Variants in CDK5RAP2 observed in about 807,000 individuals in gnomAD.
CDK5RAP2 encodes the protein CDK5 regulatory subunit-associated protein 2.
Under a neutral mutation model 232.9 loss-of-function variants are expected in CDK5RAP2, and 147 were observed. That is an observed-to-expected ratio of 0.63 (90% confidence interval 0.55 to 0.72). The LOEUF is 0.72. Among genes scored for constraint, CDK5RAP2 ranks in the 30% least tolerant of loss-of-function variants. The pLI, the probability that CDK5RAP2 is intolerant of heterozygous loss-of-function variation, is 0.00. For missense variants in CDK5RAP2, 2,195 were observed against 2,231.5 expected (o/e 0.98, Z 0.33); for synonymous variants, 833 against 833.7 (o/e 1.00, Z 0.01).
chr9:120,481,804 T>C (rs575547729), intron 14 of CDK5RAP2, among the ~76,000 whole-genome samples: 1 of 152,278 alleles, frequency 6.6e-6, no homozygotes, highest in Admixed American at 6.5e-5. Flanking sequence ...TGAGCCACCG[T>C]GCCGGGCCTG....
chr9:120,477,428 T>C lies in CDK5RAP2; in HGVS notation c.1649A>G (p.Tyr550Cys), dbSNP rs748302668. Residue 550 changes from tyrosine to cysteine, a missense_variant, in exon 15 of 38, where the codon TAT (tyrosine) becomes TGT (cysteine). Coordinates refer to ENST00000349780, the MANE Select transcript of CDK5RAP2 (RefSeq NM_018249.6). ...CTTTAAGACCTGAATCAGCTCTTCA[T>C]AGTCTGATGATTGTTTCTTTTCCTG... ...FSKEKKQSSD[Y>C]EELIQVLKKE... 1.5e-5 allele frequency: 24 copies of C among 1,612,986 alleles called. No homozygotes were observed. Among genetic ancestry groups the C allele is most frequent in the Non-Finnish European group, 2.0e-5 (24 of 1,179,208 alleles).
At chr9:120,425,008 G>T (rs999541198) in intron 25 of CDK5RAP2, among the ~76,000 whole-genome samples, 8 of 151,984 alleles carry the variant, frequency 5.3e-5, no homozygotes, top group Non-Finnish European at 1.2e-4. Flanking sequence ...CATTCACATT[G>T]TTCTTTAGTT....
Position 120,448,049 on chromosome 9 carries a change from G to T in CDK5RAP2, c.2871C>A (p.Thr957=), listed in dbSNP as rs1461045759. 1.2e-6 allele frequency: 2 copies of T among 1,613,978 alleles called. No individual in the cohort carries two copies. The highest frequency in any genetic ancestry group is 1.7e-6 in the Non-Finnish European group (2 of 1,180,008). The change falls in exon 22 of 38, where the codon ACC becomes ACA. Residue 957 remains threonine (T), a synonymous_variant. Coordinates refer to ENST00000349780, the MANE Select transcript of CDK5RAP2 (RefSeq NM_018249.6). ...SLGNMYRLPA[T]QEVVTQLQSQ... Reference sequence around the variant, plus strand: ...TCTGCAGCTGCGTCACCACCTCCTGGGTGGCAGGGAGACGATACATATTTC... The same window carrying T: ...TCTGCAGCTGCGTCACCACCTCCTGTGTGGCAGGGAGACGATACATATTTC...
chr9:120,568,483 C>G (rs1000406261), intron 2 of CDK5RAP2, 95 bp from the exon 3 acceptor site: 10 of 888,072 alleles, frequency 1.1e-5, no homozygotes, highest in Non-Finnish European at 1.7e-5. Context: ...ACAACACGAA[C>G]TGCTTCCACA....
intron 4 of CDK5RAP2, among the ~76,000 whole-genome samples, chr9:120,550,454 T>C (rs2042003679): frequency 6.6e-6 from 1 of 152,186 alleles, no homozygotes; most frequent in Admixed American, 6.5e-5. Context: ...GTTACACAAG[T>C]TACCTGGTAA....
intron 12 of CDK5RAP2, among the ~76,000 whole-genome samples, chr9:120,504,166 T>C (rs2039703838): frequency 1.3e-5 from 2 of 152,130 alleles, no homozygotes; most frequent in Non-Finnish European, 2.9e-5. Context: ...GGGTAGTTGA[T>C]GTTGTTACTG....
At chr9:120,567,720 A>T (rs1177407640) in intron 3 of CDK5RAP2, among the ~76,000 whole-genome samples, 2 of 152,248 alleles carry the variant, frequency 1.3e-5, no homozygotes, top group Admixed American at 6.5e-5. Context: ...GGCTACTCAC[A>T]TTTCATTCAA....
Position 120,524,985 on chromosome 9 carries a change from C to A in CDK5RAP2, c.1092+1G>T. On this transcript the variant is annotated splice_donor_variant, in intron 11 of 37. Transcript: ENST00000349780. LOFTEE classifies it high-confidence loss of function. ...GCCACTTAAGCCAAGTGTACACTTA[C>A]CTGAAATTCCTGGGTCTGTGCTTTC... 1.2e-6 allele frequency: 2 copies of A among 1,611,504 alleles called. No individual in the cohort carries two copies. The highest frequency in any genetic ancestry group is 1.7e-6 in the Non-Finnish European group (2 of 1,177,622).
intron 21 of CDK5RAP2, among the ~76,000 whole-genome samples, chr9:120,452,058 T>A (rs2036507342): frequency 6.6e-6 from 1 of 151,974 alleles, no homozygotes; most frequent in African/African-American, 2.4e-5. Context: ...CCAGTTTTCC[T>A]GAACACAGAA....
intron 1 of CDK5RAP2, among the ~76,000 whole-genome samples, chr9:120,577,128 G>A (rs546363424): frequency 2.6e-4 from 39 of 152,140 alleles, no homozygotes; most frequent in Admixed American, 4.6e-4. Context: ...CTGGGAGGCC[G>A]AGGCAGGCAC....
chr9:120,564,447 G>A (rs58479586), intron 3 of CDK5RAP2, among the ~76,000 whole-genome samples: 1,660 of 144,166 alleles, frequency 0.012, 29 homozygotes, highest in African/African-American at 0.041. Context: ...CCGAGATCGT[G>A]CCACTCCACT....
intron 23 of CDK5RAP2, 196 bp from the exon 24 acceptor site, chr9:120,440,168 A>G (rs1301993224): frequency 9.8e-6 from 6 of 611,524 alleles, no homozygotes; most frequent in Non-Finnish European, 1.7e-5. Context: ...AAAAAGCCCT[A>G]GTCTTTCCCT....
chr9:120,568,990 C>T (rs1376180046), intron 2 of CDK5RAP2, among the ~76,000 whole-genome samples: 1 of 152,238 alleles, frequency 6.6e-6, no homozygotes, highest in African/African-American at 2.4e-5. Context: ...ATACCCAAAT[C>T]TCTCCGCAGC....
intron 6 of CDK5RAP2, among the ~76,000 whole-genome samples, chr9:120,536,895 C>G (rs2041415140): frequency 6.6e-6 from 1 of 151,814 alleles, no homozygotes; most frequent in Non-Finnish European, 1.5e-5. Flanking sequence ...TCATCCTACA[C>G]ACCCCCACCG....
chr9:120,456,016 T>C (rs2036753020), intron 20 of CDK5RAP2, among the ~76,000 whole-genome samples: 2 of 151,926 alleles, frequency 1.3e-5, no homozygotes, highest in South Asian at 4.1e-4. Flanking sequence ...ATTGAGGAAA[T>C]AGAAACAATA....
chr9:120,547,238 C>T (rs894448803), intron 4 of CDK5RAP2, among the ~76,000 whole-genome samples: 11 of 151,900 alleles, frequency 7.2e-5, no homozygotes, highest in South Asian at 2.1e-4. Context: ...GATCCGCCTG[C>T]CTTGGCCTCT....
chr9:120,528,696 A>G (rs764260287), intron 9 of CDK5RAP2, 48 bp downstream of exon 9: 2 of 1,214,376 alleles, frequency 1.6e-6, no homozygotes, highest in South Asian at 1.2e-5. Context: ...ACAAGAGGCA[A>G]GAATAGGCTA....
chr9:120,407,223 C>T lies in CDK5RAP2; in HGVS notation c.4752G>A (p.Gly1584=). 6.2e-7 allele frequency: 1 copy of T among 1,613,074 alleles called. No homozygotes were observed. Among genetic ancestry groups the T allele is most frequent in the Non-Finnish European group, 8.5e-7 (1 of 1,179,928 alleles). ...LREASGEGWK[G]QDPFRDLHSL... is the part of the protein sequence containing the mutation. Reference sequence around the variant, plus strand: ...TGTGCAGGTCCCTGAAAGGATCCTGCCCCTTCCAGCCTTCTCCCGACGCCT... The same window carrying T: ...TGTGCAGGTCCCTGAAAGGATCCTGTCCCTTCCAGCCTTCTCCCGACGCCT... The change falls in exon 32 of 38, where the codon GGG becomes GGA. Residue 1584 remains glycine (G), a synonymous_variant. Coordinates refer to ENST00000349780, the MANE Select transcript of CDK5RAP2 (RefSeq NM_018249.6).
At chr9:120,431,931 A>C (rs968664565) in intron 25 of CDK5RAP2, among the ~76,000 whole-genome samples, 1 of 152,248 alleles carries the variant, frequency 6.6e-6, no homozygotes, top group Non-Finnish European at 1.5e-5. Flanking sequence ...TCTAAGTTAT[A>C]GACCCTCACC....
Sources: gnomAD v4.1 joint callset for allele counts (sites outside exome capture counted in the v4.1 genomes callset) on GRCh38, gnomAD v4.1.1 for gene constraint, MANE v1.5 for transcripts, NCBI Gene and HGNC (gene_info 2026-07-23, HGNC 2026-07-21) for gene names.